Variants in PIK3C2G observed in about 807,000 individuals in gnomAD.
PIK3C2G encodes the protein phosphatidylinositol 3-kinase C2 domain-containing subunit gamma.
In PIK3C2G, 168 loss-of-function variants were observed where a neutral mutation model predicts 181.1. The ratio of observed to expected loss-of-function variants is 0.93; its 90% CI spans 0.82 to 1.05. PIK3C2G has a LOEUF of 1.05. Among genes scored for constraint, PIK3C2G ranks in the 50% least tolerant of loss-of-function variants. PIK3C2G has a pLI of 0.00. For synonymous variants in PIK3C2G, 573 were observed against 592.2 expected (o/e 0.97, Z 0.47); for missense variants, 1,869 against 1,732.8 (o/e 1.08, Z -1.40).
At chr12:18,520,154 T>C (rs1423435791) in intron 24 of PIK3C2G, among the ~76,000 whole-genome samples, 1 of 152,144 alleles carries the variant, frequency 6.6e-6, no homozygotes, top group African/African-American at 2.4e-5. Context: ...TTAACATTTT[T>C]TCCTTCATTT....
chr12:18,521,666 C>T (rs367547918), intron 24 of PIK3C2G, among the ~76,000 whole-genome samples: 463 of 152,300 alleles, frequency 3.0e-3, no homozygotes, highest in African/African-American at 0.01. Flanking sequence ...AGATGGCTGC[C>T]GCCCATCCCC....
At chr12:18,498,448 A>G (rs1474735608) in intron 22 of PIK3C2G, among the ~76,000 whole-genome samples, 1 of 152,264 alleles carries the variant, frequency 6.6e-6, no homozygotes, top group African/African-American at 2.4e-5. Context: ...ATTTTTTTAC[A>G]TATAACCATT....
At chr12:18,675,974 G>A in the PIK3C2G span, among the ~76,000 whole-genome samples, 1 of 151,788 alleles carries the variant, frequency 6.6e-6, no homozygotes, top group Non-Finnish European at 1.5e-5. Flanking sequence ...TATATAGCCA[G>A]GTAACAAGCC....
the PIK3C2G span, among the ~76,000 whole-genome samples, chr12:18,725,530 G>C: frequency 6.6e-6 from 1 of 152,032 alleles, no homozygotes; most frequent in Non-Finnish European, 1.5e-5. Flanking sequence ...TATATATGCA[G>C]AAATCAATTC....
At chr12:18,311,497 C>T (rs1950634807) in intron 5 of PIK3C2G, among the ~76,000 whole-genome samples, 1 of 150,692 alleles carries the variant, frequency 6.6e-6, no homozygotes, top group African/African-American at 2.4e-5. Flanking sequence ...TATAGATAGA[C>T]ACACACATAT....
chr12:18,587,579 C>A (rs866598436), intron 29 of PIK3C2G, among the ~76,000 whole-genome samples: 1 of 151,994 alleles, frequency 6.6e-6, no homozygotes. Flanking sequence ...GAAAAACATT[C>A]CATGCTCATG....
intron 5 of PIK3C2G, among the ~76,000 whole-genome samples, chr12:18,305,846 A>G (rs868818076): frequency 2.0e-5 from 3 of 152,008 alleles, no homozygotes; most frequent in Admixed American, 6.6e-5. Context: ...TAAATTTCAC[A>G]TACCATACCC....
At chr12:18,607,905 C>T (rs1443286363) in intron 30 of PIK3C2G, among the ~76,000 whole-genome samples, 2 of 152,140 alleles carry the variant, frequency 1.3e-5, no homozygotes, top group East Asian at 1.9e-4. Flanking sequence ...AAATAAGACA[C>T]TTCTCAAAAG....
At chr12:18,547,343 G>A (rs1944486980) in intron 26 of PIK3C2G, among the ~76,000 whole-genome samples, 1 of 151,960 alleles carries the variant, frequency 6.6e-6, no homozygotes. Context: ...GTACACACTT[G>A]GGGAATTTCA....
intron 1 of PIK3C2G, among the ~76,000 whole-genome samples, chr12:18,251,806 G>C (rs1948098133): frequency 1.3e-5 from 2 of 151,978 alleles, no homozygotes; most frequent in Middle Eastern, 6.8e-3. Context: ...GTCATTTTCA[G>C]GATTTGGGAG....
intron 8 of PIK3C2G, among the ~76,000 whole-genome samples, chr12:18,331,171 G>A (rs1010840250): frequency 2.6e-5 from 4 of 152,022 alleles, no homozygotes; most frequent in African/African-American, 9.7e-5. Context: ...GGCAATATAA[G>A]TTCTCCAAAA....
chr12:18,637,828 C>A (rs777220635), intron 31 of PIK3C2G, among the ~76,000 whole-genome samples: 1 of 152,182 alleles, frequency 6.6e-6, no homozygotes, highest in South Asian at 2.1e-4. Context: ...TGCTTTTAAT[C>A]CTTTCTGCTA....
At chr12:18,371,136 A>G (rs1040325839) in intron 12 of PIK3C2G, 44 bp from the exon 13 acceptor site, 18 of 1,467,252 alleles carry the variant, frequency 1.2e-5, no homozygotes, top group Non-Finnish European at 1.6e-5. Context: ...TTAAAATATC[A>G]GTACAATTGG....
intron 15 of PIK3C2G, among the ~76,000 whole-genome samples, chr12:18,396,315 C>A (rs1408202629): frequency 1.3e-5 from 2 of 151,520 alleles, no homozygotes; most frequent in Middle Eastern, 3.4e-3. Context: ...AAGTTCAGCA[C>A]CCATTCATGA....
At chr12:18,599,697 T>A (rs1001471937) in intron 30 of PIK3C2G, among the ~76,000 whole-genome samples, 6 of 140,404 alleles carry the variant, frequency 4.3e-5, no homozygotes, top group East Asian at 2.1e-4. Context: ...AAAATAAAAA[T>A]AAAAATAAAG....
chr12:18,283,120 G>A (rs945482318), intron 2 of PIK3C2G, among the ~76,000 whole-genome samples: 10 of 151,872 alleles, frequency 6.6e-5, no homozygotes, highest in Non-Finnish European at 1.2e-4. Flanking sequence ...ACACAAATAC[G>A]TTTCATTACA....
intron 31 of PIK3C2G, among the ~76,000 whole-genome samples, chr12:18,610,449 TATTTGTTTGGTGAACAAATAATTGGCATA>T (rs1409013560): frequency 1.3e-5 from 2 of 152,130 alleles, no homozygotes; most frequent in Non-Finnish European, 2.9e-5. Context: ...AAACAATAAA[TATTTGTTTGGTGAACAAATAATTGGCATA>T]ATTTGAAGAG....
At chr12:18,682,038 AAC>A in the PIK3C2G span, among the ~76,000 whole-genome samples, 1 of 152,014 alleles carries the variant, frequency 6.6e-6, no homozygotes, top group Non-Finnish European at 1.5e-5. Flanking sequence ...TATCTGGCAA[AAC>A]AGAGGCATCT....
At chr12:18,501,813 T>C (rs184918871) in intron 22 of PIK3C2G, among the ~76,000 whole-genome samples, 44 of 152,272 alleles carry the variant, frequency 2.9e-4, no homozygotes, top group African/African-American at 1.1e-3. Context: ...TCAACGTAGT[T>C]GGAAAAGCAA....
Sources: gnomAD v4.1 joint callset for allele counts (sites outside exome capture counted in the v4.1 genomes callset) on GRCh38, gnomAD v4.1.1 for gene constraint, MANE v1.5 for transcripts, NCBI Gene and HGNC (gene_info 2026-07-23, HGNC 2026-07-21) for gene names.